SCFD2: variants seen among roughly 807,000 people sequenced by gnomAD.
The protein encoded by SCFD2 is sec1 family domain containing 2.
A neutral mutation model predicts 58.9 loss-of-function variants in SCFD2; 54 were observed. The ratio of observed to expected loss-of-function variants is 0.92; its 90% confidence interval spans 0.74 to 1.15. The LOEUF (loss-of-function observed/expected upper bound fraction) is 1.15, where lower values mean the gene tolerates loss of function less well. Ranked by LOEUF, SCFD2 falls within the 50% of genes most tolerant of loss-of-function variation. The pLI is 0.00. For synonymous variants in SCFD2, 321 were observed against 335.9 expected (o/e 0.96, Z 0.49); for missense variants, 805 against 836.6 (o/e 0.96, Z 0.47).
chr4:53,300,939 C>A (rs1364636874), intron 3 of SCFD2, among the ~76,000 whole-genome samples: 1 of 152,220 alleles, frequency 6.6e-6, no homozygotes, highest in Non-Finnish European at 1.5e-5. Flanking sequence ...CTCTGGGACA[C>A]ATTCGAAGCA....
chr4:53,067,891 C>T (rs181725070), intron 5 of SCFD2, among the ~76,000 whole-genome samples: 12 of 152,076 alleles, frequency 7.9e-5, no homozygotes, highest in East Asian at 5.8e-4. Context: ...TATGACTAGG[C>T]GAGAGATGAA....
chr4:52,979,777 T>C (rs1001708714), intron 5 of SCFD2, among the ~76,000 whole-genome samples: 1 of 152,192 alleles, frequency 6.6e-6, no homozygotes, highest in African/African-American at 2.4e-5. Context: ...TCCAGAGACA[T>C]AAAATAATCC....
At chr4:53,251,073 T>C (rs1431261611) in intron 4 of SCFD2, among the ~76,000 whole-genome samples, 4 of 152,048 alleles carry the variant, frequency 2.6e-5, no homozygotes. Flanking sequence ...CCCACAGAAA[T>C]ACAAACTACC....
intron 5 of SCFD2, among the ~76,000 whole-genome samples, chr4:53,114,874 G>A (rs1406598594): frequency 6.6e-6 from 1 of 152,092 alleles, no homozygotes; most frequent in Non-Finnish European, 1.5e-5. Context: ...AGAGATATAT[G>A]AGTAATGTTT....
intron 5 of SCFD2, chr4:52,955,898 A>G (rs1453501992): frequency 2.2e-5 from 8 of 357,756 alleles, no homozygotes; most frequent in Non-Finnish European, 3.9e-5. Context: ...AAGGAAAGGC[A>G]GCTACTTGGC....
intron 5 of SCFD2, among the ~76,000 whole-genome samples, chr4:52,947,053 AGCTGAGTTG>A (rs1181761121): frequency 4.6e-5 from 7 of 152,136 alleles, no homozygotes; most frequent in African/African-American, 1.4e-4. Context: ...CAGCTGTCAG[AGCTGAGTTG>A]GCTCCTGCAC....
intron 2 of SCFD2, among the ~76,000 whole-genome samples, chr4:53,328,550 C>A (rs528333663): frequency 6.6e-6 from 1 of 151,974 alleles, no homozygotes; most frequent in East Asian, 1.9e-4. Context: ...GAATAAAATA[C>A]GAATCTATTA....
At chr4:52,900,853 C>T (rs188108374) in intron 7 of SCFD2, among the ~76,000 whole-genome samples, 31 of 152,332 alleles carry the variant, frequency 2.0e-4, no homozygotes, top group African/African-American at 5.3e-4. Context: ...GGCACCCCTC[C>T]CCCAGCCTCG....
intron 4 of SCFD2, among the ~76,000 whole-genome samples, chr4:53,180,624 T>C (rs1308201222): frequency 1.3e-5 from 2 of 152,120 alleles, no homozygotes; most frequent in Non-Finnish European, 2.9e-5. Context: ...ATTCAAAAGT[T>C]AGAAGAAGGC....
intron 4 of SCFD2, among the ~76,000 whole-genome samples, chr4:53,151,046 C>G (rs571245375): frequency 6.6e-6 from 1 of 152,296 alleles, no homozygotes; most frequent in South Asian, 2.1e-4. Context: ...ACCCCACAGG[C>G]TCCTTTCTTA....
rs375163516 is a variant in SCFD2 at position 53,299,725 on chromosome 4, C to G, written c.1135+13911G>C. On this transcript the variant is annotated intron_variant, in intron 3 of 8. Transcript: ENST00000401642. ...ACGTCAGGTTACCCACAAAGGGAAG[C>G]CCATCAGACTAAGAGCTGATCTCTC... Among the ~76,000 whole-genome samples, 83 of 152,336 alleles carry G rather than the reference C, an allele frequency of 5.4e-4. 1 individual carries two copies. In the South Asian group the frequency reaches 0.016, roughly 29 times the overall value.
chr4:52,972,970 G>C (rs1721146218), intron 5 of SCFD2, among the ~76,000 whole-genome samples: 1 of 152,192 alleles, frequency 6.6e-6, no homozygotes, highest in Non-Finnish European at 1.5e-5. Context: ...TGGAACCAAT[G>C]AGAACAAAGA....
chr4:53,263,709 T>C (rs1424390095), intron 4 of SCFD2, among the ~76,000 whole-genome samples: 1 of 152,228 alleles, frequency 6.6e-6, no homozygotes, highest in Non-Finnish European at 1.5e-5. Flanking sequence ...TTTAGCGCAC[T>C]GTTTTCTTTT....
intron 4 of SCFD2, among the ~76,000 whole-genome samples, chr4:53,162,936 T>C (rs1301865380): frequency 1.3e-5 from 2 of 152,212 alleles, no homozygotes; most frequent in Non-Finnish European, 2.9e-5. Context: ...TCTTAAGTGC[T>C]ACTTCAATCC....
intron 4 of SCFD2, among the ~76,000 whole-genome samples, chr4:53,269,782 T>C (rs916941051): frequency 6.6e-6 from 1 of 152,058 alleles, no homozygotes; most frequent in African/African-American, 2.4e-5. Context: ...ATCCCAACAC[T>C]GGGAGGCCAA....
chr4:53,281,109 CT>C (rs1233119470), intron 3 of SCFD2, among the ~76,000 whole-genome samples: 2 of 152,320 alleles, frequency 1.3e-5, no homozygotes, highest in East Asian at 3.9e-4. Flanking sequence ...TTGCATTTTG[CT>C]TTTGACTTCC....
intron 5 of SCFD2, among the ~76,000 whole-genome samples, chr4:52,992,596 G>C (rs190146192): frequency 6.6e-6 from 1 of 151,264 alleles, no homozygotes; most frequent in African/African-American, 2.4e-5. Context: ...GTCTCTGCCC[G>C]GCCGCCCATC....
At chr4:53,152,673 T>C (rs997648217) in intron 4 of SCFD2, among the ~76,000 whole-genome samples, 1 of 152,190 alleles carries the variant, frequency 6.6e-6, no homozygotes, top group Non-Finnish European at 1.5e-5. Context: ...AGGTCTTGAC[T>C]CATTCCAGAA....
chr4:53,134,245 AACTTATTCT>A (rs2148902367), intron 5 of SCFD2, among the ~76,000 whole-genome samples: 1 of 152,264 alleles, frequency 6.6e-6, no homozygotes, highest in East Asian at 1.9e-4. Context: ...GAAAGAGTAG[AACTTATTCT>A]ACTTATTCTG....
Sources: allele counts gnomAD v4.1 joint callset (sites outside exome capture counted in the v4.1 genomes callset), GRCh38; gene constraint gnomAD v4.1.1; transcripts MANE v1.5; gene names NCBI Gene and HGNC (gene_info 2026-07-23, HGNC 2026-07-21).